HMCN1: variants seen among roughly 807,000 people sequenced by gnomAD.
The protein encoded by HMCN1 is hemicentin-1.
HMCN1 carries 321 observed loss-of-function variants against 625.9 expected under a neutral mutation model. The observed-to-expected ratio is 0.51, with a 90% CI of 0.47 to 0.56. HMCN1 has a LOEUF of 0.56. Among genes scored for constraint, HMCN1 ranks in the 20% least tolerant of loss-of-function variants. The pLI, the probability that HMCN1 is intolerant of heterozygous loss-of-function variation, is 0.00. For synonymous variants in HMCN1, 2,425 were observed against 2,417.6 expected (o/e 1.00, Z -0.09); for missense variants, 6,588 against 6,887.3 (o/e 0.96, Z 1.54).
intron 58 of HMCN1, 57 bp from the exon 59 acceptor site, chr1:186,087,160 A>G (rs1001892784): frequency 1.4e-5 from 15 of 1,057,138 alleles, no homozygotes; most frequent in Admixed American, 3.4e-5. Context: ...GATTGGTAAA[A>G]TAGTTGTTAG....
intron 1 of HMCN1, among the ~76,000 whole-genome samples, chr1:185,751,655 T>C (rs1189016368): frequency 2.0e-5 from 3 of 152,134 alleles, no homozygotes; most frequent in Non-Finnish European, 4.4e-5. Context: ...TCTCATTCTC[T>C]AAGCCTTTTT....
intron 13 of HMCN1, among the ~76,000 whole-genome samples, chr1:185,964,878 TG>T (rs1435324793): frequency 1.3e-5 from 2 of 152,182 alleles, no homozygotes; most frequent in East Asian, 3.9e-4. Context: ...AGTAAAAGTC[TG>T]TTGTATTTTG....
intron 83 of HMCN1, among the ~76,000 whole-genome samples, chr1:186,128,773 G>C (rs1194368810): frequency 6.6e-6 from 1 of 151,918 alleles, no homozygotes; most frequent in African/African-American, 2.4e-5. Context: ...ACAAGTTAAG[G>C]TCGTGTCTGG....
chr1:185,783,265 T>A (rs1657278446), intron 1 of HMCN1, among the ~76,000 whole-genome samples: 1 of 152,170 alleles, frequency 6.6e-6, no homozygotes, highest in Non-Finnish European at 1.5e-5. Context: ...TTATCAAGGT[T>A]TTTAGCTTCT....
intron 1 of HMCN1, among the ~76,000 whole-genome samples, chr1:185,812,810 A>G (rs893262086): frequency 6.6e-6 from 1 of 151,926 alleles, no homozygotes; most frequent in Non-Finnish European, 1.5e-5. Flanking sequence ...CCCCCCCCAC[A>G]CACATTCCCC....
Position 186,144,205 on chromosome 1 carries a change from G to C in HMCN1, c.13957G>C (p.Gly4653Arg). 6.2e-7 allele frequency: 1 copy of C among 1,610,422 alleles called. No homozygotes were observed. Among genetic ancestry groups the C allele is most frequent in the Non-Finnish European group, 8.5e-7 (1 of 1,178,052 alleles). Residue 4653 changes from glycine to arginine, a missense_variant, in exon 90 of 107, where the codon GGA becomes CGA. Coordinates refer to ENST00000271588, the MANE Select transcript of HMCN1 (RefSeq NM_031935.3). ...AGCATGGAGCGCTTGGCAGCCTTGG[G>C]GAACATGCAGCGAAAGTTGTGGGAA... ...HGAWSAWQPW[G>R]TCSESCGKGT...
At chr1:185,878,180 G>A (rs778170233) in intron 4 of HMCN1, among the ~76,000 whole-genome samples, 21 of 152,164 alleles carry the variant, frequency 1.4e-4, no homozygotes, top group Non-Finnish European at 7.4e-5. Flanking sequence ...ATAAGATTAT[G>A]TGATCAGCAA....
intron 71 of HMCN1, among the ~76,000 whole-genome samples, chr1:186,111,453 A>G (rs1660883338): frequency 6.6e-6 from 1 of 152,134 alleles, no homozygotes; most frequent in Non-Finnish European, 1.5e-5. Flanking sequence ...GTTCAAGACC[A>G]GCCTGGGCAA....
intron 103 of HMCN1, chr1:186,177,136 C>G (rs1652642302): frequency 6.6e-6 from 1 of 151,572 alleles, no homozygotes; most frequent in Non-Finnish European, 1.5e-5. Flanking sequence ...AACCCTGTCT[C>G]TGTCAAAAAT....
chr1:185,975,395 A>G lies in HMCN1; in HGVS notation c.2372-2392A>G, dbSNP rs187873690. Among the ~76,000 whole-genome samples the G allele has an allele frequency of 2.0e-3, 305 of 152,224 alleles. 2 individuals carry two copies. The highest frequency in any genetic ancestry group is 7.1e-3 in the African/African-American group (296 of 41,546). On this transcript the variant is annotated intron_variant, in intron 15 of 106. Transcript: ENST00000271588. ...CAAAAGGGAAGCAGGCACATCTTAC[A>G]TGGCCAGAGCAGAAGGAAGAGAGCA...
At chr1:185,975,887 G>GAC (rs144472059) in intron 15 of HMCN1, among the ~76,000 whole-genome samples, 4,200 of 149,410 alleles carry the variant, frequency 0.028, 168 homozygotes, top group African/African-American at 0.088. Flanking sequence ...TTATGCACCA[G>GAC]ACACACACAC....
At chr1:185,840,479 C>G (rs891535463) in intron 1 of HMCN1, among the ~76,000 whole-genome samples, 10 of 152,112 alleles carry the variant, frequency 6.6e-5, no homozygotes, top group South Asian at 2.1e-4. Context: ...CCTAGGATTT[C>G]TTTGTTCTTT....
chr1:185,760,147 C>T (rs1458980471), intron 1 of HMCN1, among the ~76,000 whole-genome samples: 1 of 152,120 alleles, frequency 6.6e-6, no homozygotes, highest in Non-Finnish European at 1.5e-5. Context: ...AGGTGTTAAG[C>T]TGGAACAGAC....
At chr1:185,842,503 G>A (rs376926244) in intron 1 of HMCN1, among the ~76,000 whole-genome samples, 70 of 151,888 alleles carry the variant, frequency 4.6e-4, no homozygotes, top group African/African-American at 1.3e-3. Flanking sequence ...GGTCGAGGCC[G>A]CAGTGAGCTG....
chr1:185,989,732 A>T, intron 21 of HMCN1, 85 bp downstream of exon 21: 3 of 1,198,360 alleles, frequency 2.5e-6, no homozygotes, highest in Admixed American at 1.9e-5. Context: ...CTGTTACCAG[A>T]TGCATGTACC....
intron 28 of HMCN1, among the ~76,000 whole-genome samples, 164 bp downstream of exon 28, chr1:186,001,905 T>C (rs746478121): frequency 1.7e-4 from 26 of 152,102 alleles, no homozygotes; most frequent in Non-Finnish European, 3.1e-4. Context: ...AACCATATGA[T>C]ATAGAAATTT....
intron 83 of HMCN1, among the ~76,000 whole-genome samples, chr1:186,129,246 C>A (rs1010742005): frequency 3.3e-5 from 5 of 150,878 alleles, no homozygotes; most frequent in Non-Finnish European, 5.9e-5. Context: ...GGTAAACATA[C>A]GTATTTAGAT....
At chr1:185,752,914 C>A (rs369800821) in intron 1 of HMCN1, among the ~76,000 whole-genome samples, 68 of 152,118 alleles carry the variant, frequency 4.5e-4, no homozygotes, top group African/African-American at 1.6e-3. Flanking sequence ...CCTTTATAAA[C>A]CTAGAGGCAA....
At chr1:185,864,176 G>A (rs1327034864) in intron 2 of HMCN1, among the ~76,000 whole-genome samples, 1 of 152,070 alleles carries the variant, frequency 6.6e-6, no homozygotes, top group Non-Finnish European at 1.5e-5. Context: ...GAGAAGAGGG[G>A]GTGTATGAGA....
Sources: allele counts gnomAD v4.1 joint callset (sites outside exome capture counted in the v4.1 genomes callset), GRCh38; gene constraint gnomAD v4.1.1; transcripts MANE v1.5; gene names NCBI Gene and HGNC (gene_info 2026-07-23, HGNC 2026-07-21).